Variants in JAZF1 observed in about 807,000 individuals in gnomAD.
JAZF1 encodes JAZF zinc finger 1, also known as juxtaposed with another zinc finger protein 1.
A neutral mutation model predicts 26.4 loss-of-function variants in JAZF1; 8 were observed. That is an observed-to-expected ratio of 0.30 (90% CI 0.18 to 0.55). The LOEUF (loss-of-function observed/expected upper bound fraction) is 0.55, where lower values mean the gene tolerates loss of function less well. Among genes scored for constraint, JAZF1 ranks in the 20% least tolerant of loss-of-function variants. The probability of loss-of-function intolerance (pLI) is 0.94; values close to 1 mark genes in which losing one functional copy is unlikely to be tolerated. For missense variants in JAZF1, 199 were observed against 322.0 expected (o/e 0.62, Z 2.92); for synonymous variants, 126 against 122.3 (o/e 1.03, Z -0.20).
intron 3 of JAZF1, among the ~76,000 whole-genome samples, chr7:27,851,671 C>A (rs1422871634): frequency 6.6e-6 from 1 of 152,140 alleles, no homozygotes; most frequent in Non-Finnish European, 1.5e-5. Context: ...TCCGACAAGG[C>A]AAGACCTTGT....
At chr7:28,046,155 C>T (rs1001285762) in intron 1 of JAZF1, among the ~76,000 whole-genome samples, 9 of 152,156 alleles carry the variant, frequency 5.9e-5, no homozygotes, top group Admixed American at 1.3e-4. Context: ...TCCAGCTGTG[C>T]CCAGCATGAC....
chr7:27,898,459 C>G (rs1784110092), intron 2 of JAZF1, among the ~76,000 whole-genome samples: 2 of 151,872 alleles, frequency 1.3e-5, no homozygotes, highest in Non-Finnish European at 2.9e-5. Context: ...GTGCCACCAC[C>G]ATGCCCAGCT....
At chr7:28,153,693 C>T (rs1783140838) in intron 1 of JAZF1, among the ~76,000 whole-genome samples, 1 of 152,196 alleles carries the variant, frequency 6.6e-6, no homozygotes. Context: ...TCCCTCTTCT[C>T]TTCCTCATTC....
intron 1 of JAZF1, among the ~76,000 whole-genome samples, chr7:28,046,036 G>C (rs1554284180): frequency 6.6e-6 from 1 of 152,162 alleles, no homozygotes; most frequent in Non-Finnish European, 1.5e-5. Context: ...CACCTCCCTA[G>C]GTTAATTACT....
At chr7:28,130,337 G>GT (rs540599859) in intron 1 of JAZF1, among the ~76,000 whole-genome samples, 14 of 152,176 alleles carry the variant, frequency 9.2e-5, no homozygotes, top group African/African-American at 2.4e-4. Context: ...CAACAAAAAT[G>GT]TTTTTTTAAC....
chr7:27,940,939 A>G (rs1784837746), intron 2 of JAZF1, among the ~76,000 whole-genome samples: 1 of 152,188 alleles, frequency 6.6e-6, no homozygotes, highest in Non-Finnish European at 1.5e-5. Flanking sequence ...GTGGCCTGAA[A>G]TGACTTCCTT....
chr7:28,022,124 A>C (rs1228741075), intron 1 of JAZF1, among the ~76,000 whole-genome samples: 6 of 152,210 alleles, frequency 3.9e-5, no homozygotes, highest in Non-Finnish European at 7.3e-5. Flanking sequence ...TTTCTATGAA[A>C]CCCAGTCTCA....
At chr7:28,048,972 C>CCCTTCCCGT (rs1554284413) in intron 1 of JAZF1, among the ~76,000 whole-genome samples, 4 of 142,066 alleles carry the variant, frequency 2.8e-5, no homozygotes, top group African/African-American at 7.8e-5. Flanking sequence ...TTTTCTTTCT[C>CCCTTCCCGT]CCTTCCCTTC....
Position 28,136,620 on chromosome 7 carries a change from C to T in JAZF1, c.115+43843G>A, listed in dbSNP as rs548151779. On this transcript the variant is annotated intron_variant, in intron 1 of 4. Transcript: ENST00000283928. ...CCATCTATTTTTTAGTGAGCACCCA[C>T]TATACACTCACCATTTCCACACACA... is the stretch of plus-strand genomic sequence containing the variant. Among the ~76,000 whole-genome samples, 13 of 152,352 alleles carry T rather than the reference C, an allele frequency of 8.5e-5. No individual in the cohort carries two copies. The East Asian group carries it at 2.5e-3, about 29-fold the overall frequency.
intron 1 of JAZF1, among the ~76,000 whole-genome samples, chr7:28,014,568 T>C (rs1782852425): frequency 1.3e-5 from 2 of 152,208 alleles, no homozygotes; most frequent in African/African-American, 4.8e-5. Flanking sequence ...CCTGCTGCCA[T>C]CCATGTAAGA....
chr7:28,072,346 G>A lies in JAZF1; in HGVS notation c.116-80365C>T, dbSNP rs149523328. 5.9e-3 allele frequency among the ~76,000 whole-genome samples: 897 copies of A among 152,340 alleles called. 6 individuals are homozygous for A. Among genetic ancestry groups the A allele is most frequent in the African/African-American group, 0.021 (869 of 41,568 alleles). ...TGGCAGCATGTAATAAATAATTAAT[G>A]CAATTAACAAAACGGCATAAGCCTA... On this transcript the variant is annotated intron_variant, in intron 1 of 4. Transcript: ENST00000283928.
rs796764718 is a variant in JAZF1 at position 28,121,936 on chromosome 7, T to C, written c.115+58527A>G. Among the ~76,000 whole-genome samples, 44 of 152,320 alleles carry C rather than the reference T, an allele frequency of 2.9e-4. 1 individual carries two copies. Among genetic ancestry groups the C allele is most frequent in the African/African-American group, 1.1e-3 (44 of 41,572 alleles). ...ACAAAAGTTCTCTCCCAAGCTGCCATCACACCTAGAGGATAGTTTGGTGCC... is the reference window on the plus strand; with the variant it reads ...ACAAAAGTTCTCTCCCAAGCTGCCACCACACCTAGAGGATAGTTTGGTGCC... On this transcript the variant is annotated intron_variant, in intron 1 of 4. Coordinates refer to ENST00000283928, the MANE Select transcript of JAZF1 (RefSeq NM_175061.4).
intron 1 of JAZF1, among the ~76,000 whole-genome samples, chr7:28,005,754 T>C (rs1020535872): frequency 1.3e-5 from 2 of 152,122 alleles, no homozygotes; most frequent in Admixed American, 1.3e-4. Flanking sequence ...ATCTCGCTGA[T>C]GGTGTGAATT....
At chr7:28,125,971 G>T (rs1782685952) in intron 1 of JAZF1, among the ~76,000 whole-genome samples, 1 of 152,160 alleles carries the variant, frequency 6.6e-6, no homozygotes, top group African/African-American at 2.4e-5. Context: ...CAAGACCTTT[G>T]GGTGACTCCA....
chr7:27,898,311 G>GT (rs370764659), intron 2 of JAZF1, among the ~76,000 whole-genome samples: 26,362 of 110,110 alleles, frequency 0.24, 3,950 homozygotes, highest in Non-Finnish European at 0.3. Flanking sequence ...ATATACATCG[G>GT]TTTTTTTTTT....
intron 1 of JAZF1, among the ~76,000 whole-genome samples, chr7:28,094,792 C>T (rs538578895): frequency 2.0e-5 from 3 of 152,190 alleles, no homozygotes; most frequent in African/African-American, 7.2e-5. Context: ...CAGCTCAGCC[C>T]CACCCTGTGG....
intron 3 of JAZF1, among the ~76,000 whole-genome samples, chr7:27,879,964 A>G (rs1011549311): frequency 6.6e-6 from 1 of 152,208 alleles, no homozygotes; most frequent in Non-Finnish European, 1.5e-5. Flanking sequence ...TTTCCAAAAT[A>G]TACTATTATA....
chr7:27,871,447 C>G (rs1184474754), intron 3 of JAZF1, among the ~76,000 whole-genome samples: 1 of 152,218 alleles, frequency 6.6e-6, no homozygotes, highest in Non-Finnish European at 1.5e-5. Context: ...ATGTCATCCA[C>G]AGATGTCCTA....
intron 1 of JAZF1, among the ~76,000 whole-genome samples, chr7:28,138,720 T>C (rs58875479): frequency 0.039 from 5,960 of 152,258 alleles, 352 homozygotes; most frequent in African/African-American, 0.13. Context: ...GTGTTACACT[T>C]GCAAAGACTG....
Sources: gnomAD v4.1 joint callset for allele counts (sites outside exome capture counted in the v4.1 genomes callset) on GRCh38, gnomAD v4.1.1 for gene constraint, MANE v1.5 for transcripts, NCBI Gene and HGNC (gene_info 2026-07-23, HGNC 2026-07-21) for gene names.